Variants in DAB1 observed in about 807,000 individuals in gnomAD.
DAB1 encodes the protein disabled homolog 1.
In DAB1, 15 loss-of-function variants were observed where a neutral mutation model predicts 64.6. The observed-to-expected ratio is 0.23, with a 90% CI of 0.16 to 0.36. The LOEUF is 0.36. DAB1 is among the 10% of genes least tolerant of loss of function. The pLI is 1.00. For synonymous variants in DAB1, 235 were observed against 251.9 expected, an observed-to-expected ratio of 0.93 and a Z score of 0.64; for missense variants, 596 against 706.7, an observed-to-expected ratio of 0.84 and a Z score of 1.78.
At chr1:57,029,354 T>G (rs181326531) in intron 9 of DAB1, among the ~76,000 whole-genome samples, 17 of 152,336 alleles carry the variant, frequency 1.1e-4, no homozygotes, top group Admixed American at 9.8e-4. Flanking sequence ...GGCAGAAGTT[T>G]GCTGCAAGGA....
intron 7 of DAB1, among the ~76,000 whole-genome samples, chr1:57,571,855 G>C (rs1645197101): frequency 6.6e-6 from 1 of 152,218 alleles, no homozygotes; most frequent in Admixed American, 6.5e-5. Context: ...TGTGGGGAAA[G>C]GCTCCTTCAC....
chr1:57,011,122 C>A lies in DAB1; in HGVS notation c.1572+23G>T, dbSNP rs750218948. Reference sequence around the variant, plus strand: ...TCTTAATTTTAAGGAAAAACACAAACAAATAACAAACTGGTCACTTACAGC... The same window carrying A: ...TCTTAATTTTAAGGAAAAACACAAAAAAATAACAAACTGGTCACTTACAGC... On this transcript the variant is annotated intron_variant, in intron 13 of 14. Transcript: ENST00000371236. 2.5e-6 allele frequency: 4 copies of A among 1,613,342 alleles called. No individual in the cohort carries two copies. In the East Asian group the frequency reaches 8.9e-5, roughly 36 times the overall value.
intron 4 of DAB1, among the ~76,000 whole-genome samples, chr1:57,128,530 C>T (rs1657358674): frequency 6.6e-6 from 1 of 152,094 alleles, no homozygotes; most frequent in African/African-American, 2.4e-5. Flanking sequence ...TAAATAGTTG[C>T]ACTACTTAAA....
intron 3 of DAB1, among the ~76,000 whole-genome samples, chr1:58,383,151 T>C (rs529450126): frequency 1.4e-5 from 2 of 146,514 alleles, no homozygotes; most frequent in South Asian, 4.2e-4. Flanking sequence ...TTCTCAATAA[T>C]CCCACATTAG....
At chr1:57,893,519 T>C (rs907436407) in intron 5 of DAB1, among the ~76,000 whole-genome samples, 2 of 152,138 alleles carry the variant, frequency 1.3e-5, no homozygotes, top group Admixed American at 1.3e-4. Flanking sequence ...CCCTGGTCCC[T>C]GCCCTCAGGA....
At chr1:57,526,281 A>C (rs1003374794) in intron 7 of DAB1, among the ~76,000 whole-genome samples, 1 of 152,170 alleles carries the variant, frequency 6.6e-6, no homozygotes, top group African/African-American at 2.4e-5. Context: ...CTCTGCCCTT[A>C]CCTAGTATGG....
At chr1:58,528,534 T>C (rs1646385702) in intron 1 of DAB1, among the ~76,000 whole-genome samples, 1 of 152,200 alleles carries the variant, frequency 6.6e-6, no homozygotes, top group Non-Finnish European at 1.5e-5. Context: ...TGTTTGGAAA[T>C]ATTTATTACT....
At chr1:58,118,940 T>A (rs1435007487) in intron 5 of DAB1, among the ~76,000 whole-genome samples, 4 of 151,674 alleles carry the variant, frequency 2.6e-5, no homozygotes, top group Non-Finnish European at 5.9e-5. Flanking sequence ...TCCAGTAAGC[T>A]AGCCACTAGG....
At chr1:57,100,794 G>C (rs1466009652) in intron 4 of DAB1, among the ~76,000 whole-genome samples, 1 of 151,948 alleles carries the variant, frequency 6.6e-6, no homozygotes, top group Non-Finnish European at 1.5e-5. Flanking sequence ...AATGAAGCAC[G>C]CATGAGTAGG....
chr1:58,287,627 G>A (rs1372766829), intron 4 of DAB1, among the ~76,000 whole-genome samples: 1 of 152,138 alleles, frequency 6.6e-6, no homozygotes, highest in Non-Finnish European at 1.5e-5. Context: ...GGCCTAATCA[G>A]GAGATGCAAG....
At chr1:57,652,873 C>T (rs911387566) in intron 6 of DAB1, among the ~76,000 whole-genome samples, 7 of 152,116 alleles carry the variant, frequency 4.6e-5, no homozygotes, top group Non-Finnish European at 8.8e-5. Context: ...GTTCCAAAGC[C>T]TAATCTCATT....
At chr1:57,542,881 T>C (rs944078768) in intron 7 of DAB1, among the ~76,000 whole-genome samples, 3 of 152,164 alleles carry the variant, frequency 2.0e-5, no homozygotes, top group Admixed American at 6.5e-5. Context: ...TAAAAAGCCC[T>C]GCAGCTTCCA....
chr1:57,064,987 T>C (rs1406801774), intron 8 of DAB1, among the ~76,000 whole-genome samples: 1 of 152,136 alleles, frequency 6.6e-6, no homozygotes, highest in Non-Finnish European at 1.5e-5. Flanking sequence ...CTGAGAAAAA[T>C]GAAGAACATT....
At chr1:57,824,391 C>A (rs535111446), downstream of DAB1, among the ~76,000 whole-genome samples, 4 of 152,226 alleles carry the variant, frequency 2.6e-5, no homozygotes, top group Non-Finnish European at 5.9e-5. Flanking sequence ...GGGATATGAA[C>A]GATGGCTGAT....
chr1:57,658,303 GT>G (rs938423596), intron 6 of DAB1, among the ~76,000 whole-genome samples: 8 of 134,724 alleles, frequency 5.9e-5, no homozygotes, highest in African/African-American at 2.2e-4. Flanking sequence ...TTGCAATTTT[GT>G]TCTTTTTTTT....
At chr1:57,193,954 T>C (rs1035136403) in intron 2 of DAB1, among the ~76,000 whole-genome samples, 39 of 152,248 alleles carry the variant, frequency 2.6e-4, no homozygotes, top group Non-Finnish European at 1.8e-4. Context: ...CAGTGATTCT[T>C]AGTTCACAGG....
At chr1:57,071,490 T>C (rs374053400) in intron 6 of DAB1, 32 bp downstream of exon 6, 10 of 1,594,870 alleles carry the variant, frequency 6.3e-6, no homozygotes, top group African/African-American at 2.7e-5. Context: ...GAAGGCCCGA[T>C]CTCCAGCGCA....
At chr1:57,253,294 A>G (rs1312496618) in intron 2 of DAB1, among the ~76,000 whole-genome samples, 1 of 152,194 alleles carries the variant, frequency 6.6e-6, no homozygotes, top group Non-Finnish European at 1.5e-5. Flanking sequence ...ACCTCATTTT[A>G]ACTCAAGTAG....
intron 4 of DAB1, among the ~76,000 whole-genome samples, chr1:58,194,750 T>C (rs977241356): frequency 2.0e-5 from 3 of 152,242 alleles, no homozygotes; most frequent in African/African-American, 7.2e-5. Context: ...CATTCATCTT[T>C]CTCAACGTTC....
Sources: gnomAD v4.1 joint callset for allele counts (sites outside exome capture counted in the v4.1 genomes callset) on GRCh38, gnomAD v4.1.1 for gene constraint, MANE v1.5 for transcripts, NCBI Gene and HGNC (gene_info 2026-07-23, HGNC 2026-07-21) for gene names.